The following ARHGEF9 variants were observed in gnomAD, a reference collection of about 807,000 sequenced individuals.
ARHGEF9 encodes the protein Cdc42 guanine nucleotide exchange factor 9.
A neutral mutation model predicts 41.3 loss-of-function variants in ARHGEF9; 2 were observed. The observed-to-expected ratio is 0.05, with a 90% CI of 0.02 to 0.15. The LOEUF (loss-of-function observed/expected upper bound fraction) is 0.15, where lower values mean the gene tolerates loss of function less well. Ranked by LOEUF, ARHGEF9 falls within the 10% of genes least tolerant of loss-of-function variation. ARHGEF9 has a pLI of 1.00. For synonymous variants in ARHGEF9, 160 were observed against 154.4 expected (o/e 1.04, Z -0.27); for missense variants, 225 against 424.7 (o/e 0.53, Z 4.13).
At chrX:63,744,548 T>C (rs1173389525) in intron 1 of ARHGEF9, among the ~76,000 whole-genome samples, 1 of 112,359 alleles carries the variant, frequency 8.9e-6, no homozygotes, top group Non-Finnish European at 1.9e-5. Flanking sequence ...AAGGCCAGGC[T>C]AGAAGCAGCT....
intron 1 of ARHGEF9, among the ~76,000 whole-genome samples, chrX:63,728,186 A>T (rs1399609961): frequency 8.9e-6 from 1 of 112,525 alleles, no homozygotes; most frequent in Non-Finnish European, 1.9e-5. Context: ...GTTGTTTTGA[A>T]AATGTAAACT....
chrX:63,683,222 G>T (rs1180729642), intron 4 of ARHGEF9, among the ~76,000 whole-genome samples: 2 of 110,056 alleles, frequency 1.8e-5, no homozygotes, highest in Admixed American at 1.9e-4. Context: ...ATCAAAAAAA[G>T]AAATTTTAAA....
At chrX:63,707,229 T>C (rs1410882852) in intron 2 of ARHGEF9, among the ~76,000 whole-genome samples, 2 of 110,748 alleles carry the variant, frequency 1.8e-5, no homozygotes, top group African/African-American at 6.6e-5. Context: ...CCTCTGGTTC[T>C]AAGGAAGACA....
chrX:63,706,600 G>C, intron 2 of ARHGEF9, 151 bp from the exon 3 acceptor site: 1 of 661,740 alleles, frequency 1.5e-6, no homozygotes, highest in Non-Finnish European at 2.3e-6. Flanking sequence ...CCTGGCTCTA[G>C]GGTGACTTTT....
chrX:63,754,852 C>A, intron 1 of ARHGEF9: 3 of 939,274 alleles, frequency 3.2e-6, no homozygotes, highest in Non-Finnish European at 4.0e-6. Flanking sequence ...TCGGCAGAGT[C>A]CAGCATTCTC....
chrX:63,781,324 CTAA>C (rs1226433659), intron 1 of ARHGEF9, among the ~76,000 whole-genome samples: 2 of 111,614 alleles, frequency 1.8e-5, no homozygotes, highest in East Asian at 5.6e-4. Flanking sequence ...CACTGAAGTG[CTAA>C]TAATACACTT....
At chrX:63,765,506 G>A (rs781888635) in intron 1 of ARHGEF9, among the ~76,000 whole-genome samples, 14 of 111,197 alleles carry the variant, frequency 1.3e-4, no homozygotes, top group African/African-American at 4.6e-4. Flanking sequence ...TGTTTCATAA[G>A]CATTATCTGA....
At chrX:63,669,488 TAACA>T (rs1263669343) in intron 6 of ARHGEF9, among the ~76,000 whole-genome samples, 1 of 111,840 alleles carries the variant, frequency 8.9e-6, no homozygotes, top group Non-Finnish European at 1.9e-5. Flanking sequence ...TCACTCAAAC[TAACA>T]GTCAGTCTTA....
chrX:63,688,120 G>A (rs1449265183), intron 4 of ARHGEF9, among the ~76,000 whole-genome samples: 1 of 111,312 alleles, frequency 9.0e-6, no homozygotes, highest in Non-Finnish European at 1.9e-5. Context: ...CAAGAGAAAA[G>A]AAGCAAATAA....
At chrX:63,724,780 G>A (rs2053855854) in intron 1 of ARHGEF9, 69 bp from the exon 2 acceptor site, 1 of 1,035,286 alleles carries the variant, frequency 9.7e-7, no homozygotes, top group Admixed American at 2.2e-5. Flanking sequence ...CCCACCCACA[G>A]AGCTCTACTA....
At chrX:63,759,676 G>A (rs2055999132) in intron 1 of ARHGEF9, among the ~76,000 whole-genome samples, 1 of 112,190 alleles carries the variant, frequency 8.9e-6, no homozygotes, top group Admixed American at 9.4e-5. Context: ...GATAATGATA[G>A]TTAACACTTA....
intron 1 of ARHGEF9, among the ~76,000 whole-genome samples, chrX:63,772,601 C>T (rs1556455581): frequency 1.8e-5 from 2 of 111,789 alleles, no homozygotes; most frequent in African/African-American, 6.5e-5. Flanking sequence ...GTAACATTCT[C>T]AAGGTCACAT....
intron 8 of ARHGEF9, among the ~76,000 whole-genome samples, chrX:63,647,180 G>A (rs1475536873): frequency 1.8e-5 from 2 of 111,206 alleles, no homozygotes; most frequent in East Asian, 2.8e-4. Flanking sequence ...CTGCAAACAG[G>A]GACAATTTGA....
chrX:63,693,454 A>T (rs782451679), intron 4 of ARHGEF9, among the ~76,000 whole-genome samples: 1 of 110,072 alleles, frequency 9.1e-6, no homozygotes, highest in African/African-American at 3.3e-5. Flanking sequence ...TACTAAAAAA[A>T]TGCAAAAATT....
chrX:63,689,648 C>T (rs1556379461), intron 4 of ARHGEF9, among the ~76,000 whole-genome samples: 1 of 112,070 alleles, frequency 8.9e-6, no homozygotes, highest in African/African-American at 3.2e-5. Flanking sequence ...ACCAAATGTA[C>T]GTAACTGAAA....
At position 63,637,844 on chromosome X, in the gene ARHGEF9, C is replaced by CTGTGTG; in HGVS notation, c.*183_*184insCACACA. 1 of 344,991 alleles carries CTGTGTG rather than the reference C, an allele frequency of 2.9e-6. No individual in the cohort carries two copies. Among genetic ancestry groups the CTGTGTG allele is most frequent in the East Asian group, 4.3e-5 (1 of 23,050 alleles). 28.4% of individuals were successfully genotyped at this position (344,991 alleles called of 1,213,427 possible). A position where few individuals can be genotyped will look rare whatever the true frequency, so the allele number is the denominator to read the frequency against. On this transcript the variant is annotated 3_prime_UTR_variant, in exon 10 of 10. Coordinates refer to ENST00000671741, the MANE Select transcript of ARHGEF9 (RefSeq NM_001353921.2). ...CAGAAAACACTTTTGTTCCTTATCT[C>CTGTGTG]TCTGTGTGTGTGTGTGTGTGTGTGT...
At chrX:63,698,245 C>T in intron 3 of ARHGEF9, among the ~76,000 whole-genome samples, 1 of 108,933 alleles carries the variant, frequency 9.2e-6, no homozygotes, top group Middle Eastern at 4.8e-3. Flanking sequence ...ACACATAAAA[C>T]ACATTAATAA....
chrX:63,635,513 C>A lies in ARHGEF9; in HGVS notation c.*2515G>T. On this transcript the variant is annotated 3_prime_UTR_variant, in exon 10 of 10. Coordinates refer to ENST00000671741, the MANE Select transcript of ARHGEF9 (RefSeq NM_001353921.2). ...TGAACCCAGGTATTTAATTGGGCTC[C>A]CCTTGGGGCTGTTGGCCACTGGTCT... 1 of 488,436 alleles carries A rather than the reference C, an allele frequency of 2.0e-6. No homozygotes were observed. Among genetic ancestry groups the A allele is most frequent in the Non-Finnish European group, 3.7e-6 (1 of 273,815 alleles). 40.3% of individuals were successfully genotyped at this position (488,436 alleles called of 1,213,427 possible).
chrX:63,706,041 A>G (rs781912834), intron 3 of ARHGEF9, among the ~76,000 whole-genome samples: 1 of 111,835 alleles, frequency 8.9e-6, no homozygotes, highest in South Asian at 3.8e-4. Context: ...ATGAATAAAT[A>G]TTAAAACTAG....
Sources: gnomAD v4.1 joint callset for allele counts (sites outside exome capture counted in the v4.1 genomes callset) on GRCh38, gnomAD v4.1.1 for gene constraint, MANE v1.5 for transcripts, NCBI Gene and HGNC (gene_info 2026-07-23, HGNC 2026-07-21) for gene names.